RELN: variants seen among roughly 807,000 people sequenced by gnomAD.
The protein encoded by RELN is reelin.
Under a neutral mutation model 427.6 loss-of-function variants are expected in RELN, and 108 were observed. The observed-to-expected ratio is 0.25, with a 90% CI of 0.22 to 0.30. The LOEUF (loss-of-function observed/expected upper bound fraction) is 0.30, where lower values mean the gene tolerates loss of function less well. RELN is among the 10% of genes least tolerant of loss of function. The pLI, the probability that RELN is intolerant of heterozygous loss-of-function variation, is 1.00. For missense variants in RELN, 3,715 were observed against 4,302.8 expected (o/e 0.86, Z 3.82); for synonymous variants, 1,524 against 1,513.4 (o/e 1.01, Z -0.16).
intron 4 of RELN, among the ~76,000 whole-genome samples, chr7:103,758,123 T>C (rs929293408): frequency 3.3e-5 from 5 of 152,316 alleles, no homozygotes; most frequent in African/African-American, 1.2e-4. Context: ...CGATGAACTT[T>C]AAATCTCATT....
intron 38 of RELN, among the ~76,000 whole-genome samples, chr7:103,556,261 G>A (rs1418932401): frequency 6.6e-6 from 1 of 151,990 alleles, no homozygotes. Flanking sequence ...ACACTCAGAA[G>A]AACTATGTAT....
At chr7:103,773,436 T>TCTCTCTCTCTCTCCCTCGCTCCCTCC (rs1791654651) in intron 4 of RELN, among the ~76,000 whole-genome samples, 3 of 120,864 alleles carry the variant, frequency 2.5e-5, no homozygotes, top group Admixed American at 8.1e-5. Context: ...CCTCTCTCTC[T>TCTCTCTCTCTCTCCCTCGCTCCCTCC]CTCTCTCTCC....
rs1354280322 is a variant in RELN at position 103,968,442 on chromosome 7, C to T, written c.226+20689G>A. On this transcript the variant is annotated intron_variant, in intron 1 of 64. Coordinates refer to ENST00000428762, the MANE Select transcript of RELN (RefSeq NM_005045.4). This position sits in a 1 kb window ranked among gnomAD's most constrained non-coding sequence, Gnocchi z 4.3. Reference sequence around the variant, plus strand: ...TGACATCAGGTCTGCAGGCACCATGCGTTGCTACTGAGGACTAACTGGTGG... The same window carrying T: ...TGACATCAGGTCTGCAGGCACCATGTGTTGCTACTGAGGACTAACTGGTGG... Among the ~76,000 whole-genome samples the T allele has an allele frequency of 1.3e-5, 2 of 151,806 alleles. No individual in the cohort carries two copies. The highest frequency in any genetic ancestry group is 2.4e-5 in the African/African-American group (1 of 41,312).
At position 103,611,619 on chromosome 7, in the gene RELN, C is replaced by G. The variant is rs761991712; in HGVS notation, c.2887G>C (p.Val963Leu). The change falls in exon 21 of 65, where the codon GTC becomes CTC. Residue 963 changes from valine (V) to leucine (L), a missense_variant. Physicochemically the swap from Val to Leu is conservative, Grantham distance 32 (BLOSUM62 1). Transcript: ENST00000428762. ...STNHGLTWHL[V>L]QEECLPSMPS... is the part of the protein sequence containing the mutation. ...AAGGAAACTAGACTTACTTCTTGGA[C>G]GAGGTGCCAGGTAAGGCCGTGGTTG... 2 of 1,612,680 alleles carry G rather than the reference C, an allele frequency of 1.2e-6. No individual in the cohort carries two copies. Among genetic ancestry groups the G allele is most frequent in the East Asian group, 2.2e-5 (1 of 44,762 alleles).
intron 1 of RELN, among the ~76,000 whole-genome samples, chr7:103,944,118 G>A: frequency 6.6e-6 from 1 of 152,000 alleles, no homozygotes; most frequent in East Asian, 1.9e-4. Flanking sequence ...CTTACTGCAG[G>A]CGAATGGAGA....
In RELN at chr7:103,569,360, C is replaced by T. The variant is rs77028025; in HGVS notation, c.4589-2601G>A. 3.4e-3 allele frequency among the ~76,000 whole-genome samples: 525 copies of T among 152,348 alleles called. 21 individuals carry two copies. In the East Asian group the frequency reaches 0.088, roughly 26 times the overall value. ...TCCTGGCTTTTGTCCTGACTGCAAC[C>T]TCACCAGAGACCCTGGGCCAGAACC... On this transcript the variant is annotated intron_variant, in intron 31 of 64. Coordinates refer to ENST00000428762, the MANE Select transcript of RELN (RefSeq NM_005045.4). This position sits in a 1 kb window ranked among gnomAD's most constrained non-coding sequence, Gnocchi z 4.0.
Position 103,523,414 on chromosome 7 carries a change from C to A in RELN, c.7467G>T (p.Gly2489=), listed in dbSNP as rs774835068. The A allele has an allele frequency of 6.2e-7, 1 of 1,614,174 alleles. No individual in the cohort carries two copies. The highest frequency in any genetic ancestry group is 1.1e-5 in the South Asian group (1 of 91,078). The change falls in exon 47 of 65, where the codon GGG becomes GGT. Residue 2489 remains glycine, a synonymous_variant. Transcript: ENST00000428762. Reference sequence around the variant, plus strand: ...ACACGCAGTTTCCCTGGATGCATCTCCCATGGCCACTGCACATGTCTATGC... The same window carrying A: ...ACACGCAGTTTCCCTGGATGCATCTACCATGGCCACTGCACATGTCTATGC... ...DGCIDMCSGH[G]RCIQGNCVCD...
intron 1 of RELN, among the ~76,000 whole-genome samples, chr7:103,975,484 A>G (rs1335302915): frequency 6.6e-6 from 1 of 152,096 alleles, no homozygotes; most frequent in Non-Finnish European, 1.5e-5. Flanking sequence ...ATAGCAGTCA[A>G]GGGGATATGG....
Position 103,603,541 on chromosome 7 carries a change from C to T in RELN, c.3147-51G>A, listed in dbSNP as rs766806481. ...CAGGTTACAGGCCCACCTGCCAATG[C>T]AATGGCCCTCTGACCTCAACCATTT... On this transcript the variant is annotated intron_variant, in intron 23 of 64. Transcript: ENST00000428762. The surrounding 1 kb of genome is among the most constrained non-coding windows in gnomAD (Gnocchi z 4.3). The T allele has an allele frequency of 1.5e-6, 2 of 1,353,084 alleles. No homozygotes were observed. Among genetic ancestry groups the T allele is most frequent in the South Asian group, 1.2e-5 (1 of 85,740 alleles). The allele number at this position is 1,353,084 out of a possible 1,614,324, so 83.8% of individuals were successfully genotyped here. A position where few individuals can be genotyped will look rare whatever the true frequency, so the allele number is the denominator to read the frequency against.
intron 56 of RELN, among the ~76,000 whole-genome samples, chr7:103,496,142 G>A (rs186125732): frequency 1.8e-4 from 27 of 152,248 alleles, no homozygotes; most frequent in Non-Finnish European, 2.6e-4. Flanking sequence ...AATGATTACC[G>A]TACTTTTAAA....
intron 11 of RELN, among the ~76,000 whole-genome samples, chr7:103,667,081 C>A (rs967333945): frequency 6.6e-6 from 1 of 152,208 alleles, no homozygotes; most frequent in Non-Finnish European, 1.5e-5. Context: ...CCTCCCCTAT[C>A]CTAGGGCTAC....
At chr7:103,741,851 G>A (rs145669941) in intron 6 of RELN, among the ~76,000 whole-genome samples, 61 of 152,320 alleles carry the variant, frequency 4.0e-4, no homozygotes, top group African/African-American at 1.5e-3. Flanking sequence ...CCGGTCTACA[G>A]CTCCCAGCGT....
chr7:103,586,344 C>G (rs574654076), intron 28 of RELN, among the ~76,000 whole-genome samples: 57 of 152,064 alleles, frequency 3.7e-4, no homozygotes, highest in Admixed American at 8.5e-4. Flanking sequence ...GCCTGGGCGA[C>G]AGAGTGAGAC....
At position 103,661,358 on chromosome 7, in the gene RELN, T is replaced by G. The variant is rs1833135328; in HGVS notation, c.1441+18A>C. The G allele has an allele frequency of 6.2e-7, 1 of 1,613,442 alleles. No homozygotes were observed. Among genetic ancestry groups the G allele is most frequent in the Non-Finnish European group, 8.5e-7 (1 of 1,179,592 alleles). On this transcript the variant is annotated intron_variant, in intron 12 of 64. Coordinates refer to ENST00000428762, the MANE Select transcript of RELN (RefSeq NM_005045.4). ...GGATTTGCCCCACGGTGAACAAAGT[T>G]TGTGAAAATGTACTTACCCATCACA...
At chr7:103,550,449 CTTTTAT>C (rs1239522078) in intron 41 of RELN, among the ~76,000 whole-genome samples, 1 of 152,104 alleles carries the variant, frequency 6.6e-6, no homozygotes, top group African/African-American at 2.4e-5. Flanking sequence ...TCTTTGTTCA[CTTTTAT>C]TATCAGTTTT....
chr7:103,828,624 T>C (rs561875317), intron 3 of RELN, among the ~76,000 whole-genome samples: 5 of 152,000 alleles, frequency 3.3e-5, no homozygotes, highest in African/African-American at 1.2e-4. Flanking sequence ...TTGTGATGAA[T>C]TTTGCCTGTA....
chr7:103,912,256 T>A (rs1442816756), intron 2 of RELN, among the ~76,000 whole-genome samples: 1 of 151,380 alleles, frequency 6.6e-6, no homozygotes, highest in African/African-American at 2.4e-5. Flanking sequence ...AGTGCAATGG[T>A]GTGATCTCGG....
intron 2 of RELN, among the ~76,000 whole-genome samples, chr7:103,884,272 A>G (rs1794674691): frequency 6.6e-6 from 1 of 152,226 alleles, no homozygotes; most frequent in African/African-American, 2.4e-5. Flanking sequence ...ACCTTACACA[A>G]AAATTAGTTC....
chr7:103,570,468 A>C (rs547261717), intron 31 of RELN, among the ~76,000 whole-genome samples: 1 of 152,222 alleles, frequency 6.6e-6, no homozygotes, highest in South Asian at 2.1e-4. Flanking sequence ...TTTACTTTCC[A>C]CCTCATCAGC....
Sources: allele counts gnomAD v4.1 joint callset (sites outside exome capture counted in the v4.1 genomes callset), GRCh38; gene constraint gnomAD v4.1.1; non-coding constraint Gnocchi (gnomAD v3.1); transcripts MANE v1.5; gene names NCBI Gene and HGNC (gene_info 2026-07-23, HGNC 2026-07-21).